The following AK8 variants were observed in gnomAD, a reference collection of about 807,000 sequenced individuals.
AK8 encodes the protein ATP-AMP transphosphorylase 8.
Under a neutral mutation model 54.6 loss-of-function variants are expected in AK8, and 44 were observed. The ratio of observed to expected loss-of-function variants is 0.81; its 90% CI spans 0.63 to 1.04. AK8 has a LOEUF of 1.04. Among genes scored for constraint, AK8 ranks in the 50% least tolerant of loss-of-function variants. AK8 has a pLI of 0.00. For synonymous variants in AK8, 239 were observed against 245.6 expected, an observed-to-expected ratio of 0.97 and a Z score of 0.25; for missense variants, 555 against 613.6, an observed-to-expected ratio of 0.90 and a Z score of 1.01.
At chr9:132,814,075 C>G (rs553576838) in intron 10 of AK8, among the ~76,000 whole-genome samples, 2 of 151,440 alleles carry the variant, frequency 1.3e-5, no homozygotes, top group South Asian at 4.2e-4. Flanking sequence ...CCCAGGAGTT[C>G]AAGATCAGCC....
chr9:132,728,052 A>G (rs1446084167), intron 11 of AK8, among the ~76,000 whole-genome samples: 5 of 152,076 alleles, frequency 3.3e-5, no homozygotes, highest in Non-Finnish European at 5.9e-5. Context: ...GGTTACCTCT[A>G]TACATTAGAT....
intron 11 of AK8, among the ~76,000 whole-genome samples, chr9:132,740,263 G>A (rs1837309634): frequency 6.6e-6 from 1 of 152,212 alleles, no homozygotes; most frequent in Non-Finnish European, 1.5e-5. Context: ...CTGGTTTTAT[G>A]TAATCCTCAC....
chr9:132,851,550 C>G (rs937830815), intron 5 of AK8, among the ~76,000 whole-genome samples: 1 of 152,234 alleles, frequency 6.6e-6, no homozygotes, highest in Non-Finnish European at 1.5e-5. Context: ...AAGGCTCACC[C>G]CCAAGCTGTG....
At position 132,747,031 on chromosome 9, in the gene AK8, CAA is replaced by C. The variant is rs1590188313; in HGVS notation, c.1122-19499_1122-19498del. Among the ~76,000 whole-genome samples, 3 of 152,338 alleles carry C rather than the reference CAA, an allele frequency of 2.0e-5. No homozygotes were observed. The East Asian group carries it at 5.8e-4, about 29-fold the overall frequency. ...CATCTTGCAAAGTAAACAGTATTCTCAATGCATATATGCGGCAACTGAGGCTC... is the reference window on the plus strand; with the variant it reads ...CATCTTGCAAAGTAAACAGTATTCTCTGCATATATGCGGCAACTGAGGCTC... On this transcript the variant is annotated intron_variant, in intron 11 of 12. Transcript: ENST00000298545.
intron 11 of AK8, among the ~76,000 whole-genome samples, chr9:132,762,469 T>C (rs537898653): frequency 1.3e-5 from 2 of 152,308 alleles, no homozygotes; most frequent in East Asian, 3.9e-4. Context: ...CCCAGGAAGA[T>C]GACTAGCTAG....
intron 5 of AK8, among the ~76,000 whole-genome samples, chr9:132,833,767 G>A (rs1457285767): frequency 6.6e-6 from 1 of 152,388 alleles, no homozygotes; most frequent in African/African-American, 2.4e-5. Context: ...GGAACTTGGC[G>A]AGGCCCAGCA....
intron 11 of AK8, among the ~76,000 whole-genome samples, chr9:132,733,282 C>G (rs531479462): frequency 1.3e-5 from 2 of 151,950 alleles, no homozygotes; most frequent in Non-Finnish European, 2.9e-5. Flanking sequence ...GGTGTCGCAG[C>G]GGCTTTCATC....
intron 7 of AK8, chr9:132,827,364 C>A (rs1471779449): frequency 2.3e-6 from 1 of 436,494 alleles, no homozygotes; most frequent in East Asian, 4.2e-5. Context: ...TCACAGCCAT[C>A]CCATCACCCA....
chr9:132,792,903 C>G (rs1221179009), intron 10 of AK8, 128 bp from the exon 11 acceptor site: 1 of 1,213,512 alleles, frequency 8.2e-7, no homozygotes, highest in Non-Finnish European at 1.1e-6. Flanking sequence ...CTTGGAACCA[C>G]TTGGACAAGG....
chr9:132,796,276 A>C lies in AK8; in HGVS notation c.980-3501T>G, dbSNP rs1023434438. Reference sequence around the variant, plus strand: ...TTACGAACCAATACAAAGTTTCTCAACTGAGGAGAAATCTGACTCGAGGGA... The same window carrying C: ...TTACGAACCAATACAAAGTTTCTCACCTGAGGAGAAATCTGACTCGAGGGA... On this transcript the variant is annotated intron_variant, in intron 10 of 12. Transcript: ENST00000298545. Among the ~76,000 whole-genome samples the C allele has an allele frequency of 4.6e-5, 7 of 152,348 alleles. No individual in the cohort carries two copies. In the East Asian group the frequency reaches 1.3e-3, roughly 29 times the overall value.
At chr9:132,762,265 C>G (rs1478276948) in intron 11 of AK8, among the ~76,000 whole-genome samples, 2 of 152,166 alleles carry the variant, frequency 1.3e-5, no homozygotes, top group Non-Finnish European at 2.9e-5. Flanking sequence ...GCTCTGTTAA[C>G]TATTCCATTG....
intron 11 of AK8, among the ~76,000 whole-genome samples, chr9:132,739,934 C>T (rs954004439): frequency 5.3e-5 from 8 of 152,212 alleles, no homozygotes; most frequent in East Asian, 3.8e-4. Flanking sequence ...GGGCAAAGTA[C>T]GCATTCTTGT....
chr9:132,760,699 T>C (rs572814575), intron 11 of AK8, among the ~76,000 whole-genome samples: 99 of 152,318 alleles, frequency 6.5e-4, no homozygotes, highest in African/African-American at 2.3e-3. Context: ...CTAAGACCTA[T>C]GGTTGCTATA....
At chr9:132,878,565 C>T, upstream of AK8, 2 of 1,142,096 alleles carry the variant, frequency 1.8e-6, no homozygotes, top group Non-Finnish European at 1.1e-6. The surrounding 1 kb of genome is among the most constrained non-coding windows in gnomAD (Gnocchi z 4.7). Flanking sequence ...AGGGGCAAGT[C>T]GGCCCTCCGA....
chr9:132,875,306 T>C, intron 1 of AK8, 107 bp from the exon 2 acceptor site: 1 of 1,513,890 alleles, frequency 6.6e-7, no homozygotes. Flanking sequence ...CCACCAAACA[T>C]GCCTTCAACC....
At chr9:132,765,814 A>G (rs1189780640) in intron 11 of AK8, among the ~76,000 whole-genome samples, 1 of 152,240 alleles carries the variant, frequency 6.6e-6, no homozygotes, top group Non-Finnish European at 1.5e-5. Flanking sequence ...CTCTTATTCA[A>G]TACATTACTG....
At chr9:132,750,995 T>C (rs72773433) in intron 11 of AK8, among the ~76,000 whole-genome samples, 1 of 152,126 alleles carries the variant, frequency 6.6e-6, no homozygotes, top group Non-Finnish European at 1.5e-5. Context: ...CAGGTTAAAC[T>C]TCTTAAGTGA....
chr9:132,810,087 C>T (rs939349470), intron 10 of AK8, among the ~76,000 whole-genome samples: 4 of 152,230 alleles, frequency 2.6e-5, no homozygotes, highest in Admixed American at 2.6e-4. Flanking sequence ...TAATGAGACC[C>T]TGTTAGTGGT....
intron 11 of AK8, among the ~76,000 whole-genome samples, chr9:132,735,315 G>C (rs1278031905): frequency 6.6e-6 from 1 of 152,182 alleles, no homozygotes; most frequent in Non-Finnish European, 1.5e-5. Flanking sequence ...TTCATCACTA[G>C]AAACTGAGGG....
Sources: gnomAD v4.1 joint callset for allele counts (sites outside exome capture counted in the v4.1 genomes callset) on GRCh38, gnomAD v4.1.1 for gene constraint, Gnocchi (gnomAD v3.1) non-coding constraint, MANE v1.5 for transcripts, NCBI Gene and HGNC (gene_info 2026-07-23, HGNC 2026-07-21) for gene names.